ST3GAL4: variants seen among roughly 807,000 people sequenced by gnomAD.
ST3GAL4 encodes ST3 beta-galactoside alpha-2,3-sialyltransferase 4.
A neutral mutation model predicts 42.6 loss-of-function variants in ST3GAL4; 24 were observed. The ratio of observed to expected loss-of-function variants is 0.56; its 90% CI spans 0.41 to 0.79. The LOEUF is 0.79. Ranked by LOEUF, ST3GAL4 falls within the 30% of genes least tolerant of loss-of-function variation. The probability of loss-of-function intolerance (pLI) is 0.00; values close to 1 mark genes in which losing one functional copy is unlikely to be tolerated. For missense variants in ST3GAL4, 311 were observed against 430.8 expected (o/e 0.72, Z 2.46); for synonymous variants, 135 against 163.2 (o/e 0.83, Z 1.32).
chr11:126,374,287 A>C (rs1159431478), intron 1 of ST3GAL4, among the ~76,000 whole-genome samples: 1 of 151,910 alleles, frequency 6.6e-6, no homozygotes, highest in Non-Finnish European at 1.5e-5. Flanking sequence ...CCCCGTTCCT[A>C]CTAAAAATAC....
intron 1 of ST3GAL4, among the ~76,000 whole-genome samples, chr11:126,385,157 T>A (rs1412312714): frequency 6.7e-6 from 1 of 150,164 alleles, no homozygotes. Context: ...CTGGTCAGTT[T>A]CTTTCTTTTT....
intron 9 of ST3GAL4, among the ~76,000 whole-genome samples, chr11:126,413,226 C>T (rs1954606328): frequency 6.6e-6 from 1 of 152,222 alleles, no homozygotes; most frequent in African/African-American, 2.4e-5. Flanking sequence ...TGACCTCGGC[C>T]TCCTGAGTTG....
chr11:126,405,897 C>A, intron 1 of ST3GAL4, 199 bp from the exon 2 acceptor site: 1 of 655,866 alleles, frequency 1.5e-6, no homozygotes, highest in Non-Finnish European at 2.6e-6. Context: ...TGGCAGGGCT[C>A]ACCTGGATCC....
At chr11:126,403,886 A>C (rs1954115239) in intron 1 of ST3GAL4, among the ~76,000 whole-genome samples, 1 of 152,142 alleles carries the variant, frequency 6.6e-6, no homozygotes, top group South Asian at 2.1e-4. Context: ...GTGCACATCG[A>C]GGTTTGAGAA....
rs1238255832 is a variant in ST3GAL4, at chr11:126,386,723, G to A, written c.-60-19373G>A. 2.0e-5 allele frequency among the ~76,000 whole-genome samples: 3 copies of A among 152,188 alleles called. No individual in the cohort carries two copies. Among genetic ancestry groups the A allele is most frequent in the Non-Finnish European group, 4.4e-5 (3 of 68,040 alleles). ...CATGGAGAAAGACAAACACCGGTGG[G>A]TGGCTCTGCCAGCTTCCCCTGGGGT... On this transcript the variant is annotated intron_variant, in intron 1 of 10. Transcript: ENST00000444328. The surrounding 1 kb of genome is among the most constrained non-coding windows in gnomAD (Gnocchi z 4.7).
chr11:126,406,600 A>T lies in ST3GAL4; in HGVS notation c.101+43A>T. 6.2e-7 allele frequency: 1 copy of T among 1,613,642 alleles called. No homozygotes were observed. The highest frequency in any genetic ancestry group is 1.3e-5 in the African/African-American group (1 of 74,958). On this transcript the variant is annotated intron_variant, in intron 3 of 10. Transcript: ENST00000444328. The surrounding 1 kb of genome is among the most constrained non-coding windows in gnomAD (Gnocchi z 5.4). ...GTCCTTCCAGTGGCTCTTGTCAGGG[A>T]CAGGGCTTAGGGATGGAGCATCATG... is the stretch of plus-strand genomic sequence containing the variant.
In ST3GAL4 at chr11:126,376,108, A is replaced by G. The variant is rs1952826039; in HGVS notation, c.-61+20266A>G. On this transcript the variant is annotated intron_variant, in intron 1 of 10. Coordinates refer to ENST00000444328, the MANE Select transcript of ST3GAL4 (RefSeq NM_001254757.2). The surrounding 1 kb of genome is among the most constrained non-coding windows in gnomAD (Gnocchi z 5.1). ...CATAGCCTCACAGGCAAGATAGGAA[A>G]ACACAGAATTATATAATACGAAATT... 6.6e-6 allele frequency among the ~76,000 whole-genome samples: 1 copy of G among 152,180 alleles called. No homozygotes were observed.
In ST3GAL4 at chr11:126,378,860, T is replaced by C. The variant is rs938105579; in HGVS notation, c.-61+23018T>C. 1.3e-5 allele frequency among the ~76,000 whole-genome samples: 2 copies of C among 152,224 alleles called. No individual in the cohort carries two copies. The highest frequency in any genetic ancestry group is 4.8e-5 in the African/African-American group (2 of 41,462). ...GGCTTTCATGGTCATGTTCAGATTTTATATATGTGTCTCATGTAGGAATCT... is the reference window on the plus strand; with the variant it reads ...GGCTTTCATGGTCATGTTCAGATTTCATATATGTGTCTCATGTAGGAATCT... On this transcript the variant is annotated intron_variant, in intron 1 of 10. Transcript: ENST00000444328. The surrounding 1 kb of genome is among the most constrained non-coding windows in gnomAD (Gnocchi z 5.3).
At chr11:126,401,487 C>A (rs1357279057) in intron 1 of ST3GAL4, among the ~76,000 whole-genome samples, 1 of 150,530 alleles carries the variant, frequency 6.6e-6, no homozygotes, top group Non-Finnish European at 1.5e-5. Flanking sequence ...CTTGAACCTA[C>A]AAGGCAGAGG....
In ST3GAL4 at chr11:126,368,826, A is replaced by C. The variant is rs1253914365; in HGVS notation, c.-61+12984A>C. Among the ~76,000 whole-genome samples, 8 of 152,218 alleles carry C rather than the reference A, an allele frequency of 5.3e-5. No homozygotes were observed. The East Asian group carries it at 1.5e-3, about 29-fold the overall frequency. ...CAGATCTTTGCACCCCACTGTTTTA[A>C]CTTGGAGAGGAGAGGAGGAAGTTAG... On this transcript the variant is annotated intron_variant, in intron 1 of 10. Transcript: ENST00000444328.
Position 126,406,897 on chromosome 11 carries a change from C to G in ST3GAL4, c.102-46C>G, listed in dbSNP as rs1954259114. 1 of 1,560,870 alleles carries G rather than the reference C, an allele frequency of 6.4e-7. No homozygotes were observed. Among genetic ancestry groups the G allele is most frequent in the Non-Finnish European group, 8.8e-7 (1 of 1,132,930 alleles). ...CTTAGGCTGCCTGGAACATGGGTCC[C>G]TGGGTCTGACTGGGGCTTCTGCCTC... On this transcript the variant is annotated intron_variant, in intron 3 of 10. Coordinates refer to ENST00000444328, the MANE Select transcript of ST3GAL4 (RefSeq NM_001254757.2). This position sits in a 1 kb window ranked among gnomAD's most constrained non-coding sequence, Gnocchi z 5.4.
intron 1 of ST3GAL4, among the ~76,000 whole-genome samples, chr11:126,362,150 A>G (rs1952262922): frequency 6.8e-6 from 1 of 147,204 alleles, no homozygotes; most frequent in East Asian, 2.0e-4. Flanking sequence ...CCAGAGTGCC[A>G]GGATTACAGG....
intron 1 of ST3GAL4, among the ~76,000 whole-genome samples, chr11:126,388,660 GTTTTTT>G (rs10599019): frequency 1.0e-4 from 8 of 79,288 alleles, no homozygotes; most frequent in Non-Finnish European, 1.2e-4. Context: ...TAGGTTTCTT[GTTTTTT>G]TTTTTTTTTT....
intron 1 of ST3GAL4, among the ~76,000 whole-genome samples, chr11:126,381,877 C>T (rs1422222309): frequency 6.6e-6 from 1 of 151,234 alleles, no homozygotes; most frequent in East Asian, 2.0e-4. Flanking sequence ...GGCCCCAGCC[C>T]TGGTTCCAGA....
At position 126,393,315 on chromosome 11, in the gene ST3GAL4, GGGTA is replaced by G. The variant is rs1418803379; in HGVS notation, c.-60-12779_-60-12776del. On this transcript the variant is annotated intron_variant, in intron 1 of 10. Transcript: ENST00000444328. This position sits in a 1 kb window ranked among gnomAD's most constrained non-coding sequence, Gnocchi z 5.9. ...CGTGGGCTGGCAAGGTATGTGAGGTGGGTAGCTGGGTGGCCCGCCCCTTGCAGGC... is the reference window on the plus strand; with the variant it reads ...CGTGGGCTGGCAAGGTATGTGAGGTGGCTGGGTGGCCCGCCCCTTGCAGGC... The G allele has an allele frequency of 2.0e-5, 3 of 152,274 alleles. No individual in the cohort carries two copies. Among genetic ancestry groups the G allele is most frequent in the African/African-American group, 7.2e-5 (3 of 41,452 alleles). 9.4% of individuals were successfully genotyped at this position (152,274 alleles called of 1,614,324 possible).
In ST3GAL4 at chr11:126,378,385, G is replaced by A. The variant is rs1952894009; in HGVS notation, c.-61+22543G>A. Reference sequence around the variant, plus strand: ...TTTCTATGAATTTGATAAAATGACTGTATGCCATCATCAATTAGGGATGAT... The same window carrying A: ...TTTCTATGAATTTGATAAAATGACTATATGCCATCATCAATTAGGGATGAT... On this transcript the variant is annotated intron_variant, in intron 1 of 10. Coordinates refer to ENST00000444328, the MANE Select transcript of ST3GAL4 (RefSeq NM_001254757.2). The surrounding 1 kb of genome is among the most constrained non-coding windows in gnomAD (Gnocchi z 5.3). 6.6e-6 allele frequency among the ~76,000 whole-genome samples: 1 copy of A among 152,156 alleles called. No individual in the cohort carries two copies. The highest frequency in any genetic ancestry group is 2.1e-4 in the South Asian group (1 of 4,818).
intron 1 of ST3GAL4, chr11:126,403,488 TACGG>T (rs1954097891): frequency 7.2e-6 from 7 of 976,348 alleles, no homozygotes; most frequent in Non-Finnish European, 8.5e-6. Context: ...ACAGAGGAGG[TACGG>T]CGCTGATTTG....
In ST3GAL4 at chr11:126,393,717, T is replaced by C. The variant is rs565778237; in HGVS notation, c.-60-12379T>C. ...CATAGGAAGTGTGAGCTAGCAGGAA[T>C]CCTGGAGATTTTCTAGCCCAACAGT... On this transcript the variant is annotated intron_variant, in intron 1 of 10. Coordinates refer to ENST00000444328, the MANE Select transcript of ST3GAL4 (RefSeq NM_001254757.2). The surrounding 1 kb of genome is among the most constrained non-coding windows in gnomAD (Gnocchi z 5.9). Among the ~76,000 whole-genome samples, 2 of 152,268 alleles carry C rather than the reference T, an allele frequency of 1.3e-5. No homozygotes were observed. The highest frequency in any genetic ancestry group is 1.3e-4 in the Admixed American group (2 of 15,298).
rs1272658038 is a variant in ST3GAL4, at chr11:126,363,994, G to T, written c.-61+8152G>T. On this transcript the variant is annotated intron_variant, in intron 1 of 10. Transcript: ENST00000444328. This position sits in a 1 kb window ranked among gnomAD's most constrained non-coding sequence, Gnocchi z 4.6. Reference sequence around the variant, plus strand: ...AGGGACCAGCTGGTCCCCTGCTGTGGTTCCACACAGTGGAGACTGATCCCT... The same window carrying T: ...AGGGACCAGCTGGTCCCCTGCTGTGTTTCCACACAGTGGAGACTGATCCCT... 1.3e-5 allele frequency among the ~76,000 whole-genome samples: 2 copies of T among 152,240 alleles called. No individual in the cohort carries two copies. Among genetic ancestry groups the T allele is most frequent in the Admixed American group, 1.3e-4 (2 of 15,288 alleles).
Sources: gnomAD v4.1 joint callset for allele counts (sites outside exome capture counted in the v4.1 genomes callset) on GRCh38, gnomAD v4.1.1 for gene constraint, Gnocchi (gnomAD v3.1) non-coding constraint, MANE v1.5 for transcripts, NCBI Gene and HGNC (gene_info 2026-07-23, HGNC 2026-07-21) for gene names.